The following PCDHA11 variants were observed in gnomAD, a reference collection of about 807,000 sequenced individuals.
PCDHA11 encodes protocadherin alpha-11.
In PCDHA11, 61 loss-of-function variants were observed where a neutral mutation model predicts 70.3. The observed-to-expected ratio is 0.87, with a 90% confidence interval of 0.71 to 1.07. PCDHA11 has a LOEUF of 1.07. Ranked by LOEUF, PCDHA11 falls within the 50% of genes least tolerant of loss-of-function variation. The probability of loss-of-function intolerance (pLI) is 0.00; values close to 1 mark genes in which losing one functional copy is unlikely to be tolerated. For missense variants in PCDHA11, 1,324 were observed against 1,237.5 expected, an observed-to-expected ratio of 1.07 and a Z score of -1.05; for synonymous variants, 633 against 555.1, an observed-to-expected ratio of 1.14 and a Z score of -1.97.
intron 3 of PCDHA11, among the ~76,000 whole-genome samples, chr5:141,004,120 T>C (rs1340380913): frequency 6.6e-6 from 1 of 152,178 alleles, no homozygotes; most frequent in African/African-American, 2.4e-5. Flanking sequence ...AAAGGGAGTA[T>C]CTCCATGATT....
At chr5:140,997,264 A>G (rs1554255813) in intron 3 of PCDHA11, among the ~76,000 whole-genome samples, 3 of 152,154 alleles carry the variant, frequency 2.0e-5, no homozygotes. Context: ...CACTCTTCCA[A>G]ATATTTCTTG....
intron 1 of PCDHA11, among the ~76,000 whole-genome samples, chr5:140,921,904 T>A (rs1554200513): frequency 1.3e-5 from 2 of 151,968 alleles, no homozygotes; most frequent in African/African-American, 4.8e-5. Flanking sequence ...GATAAATATA[T>A]ATTACATGAT....
chr5:140,882,307 A>G (rs2153383804), intron 1 of PCDHA11: 1 of 1,613,900 alleles, frequency 6.2e-7, no homozygotes, highest in South Asian at 1.1e-5. Context: ...GACCGCGGCA[A>G]CTACTGCTCT....
intron 1 of PCDHA11, chr5:140,967,929 G>C (rs1554230126): frequency 6.2e-7 from 1 of 1,614,214 alleles, no homozygotes; most frequent in Non-Finnish European, 8.5e-7. Flanking sequence ...GCCGTTCTCA[G>C]TGTCAATGAC....
At chr5:140,999,837 A>T (rs2097878885) in intron 3 of PCDHA11, among the ~76,000 whole-genome samples, 1 of 152,206 alleles carries the variant, frequency 6.6e-6, no homozygotes, top group Non-Finnish European at 1.5e-5. Context: ...AAATATGCCA[A>T]GTGTATTTAT....
In PCDHA11 at chr5:140,875,509, C is replaced by A. The variant is rs1554167713; in HGVS notation, c.2391+4015C>A. On this transcript the variant is annotated intron_variant, in intron 1 of 3. Coordinates refer to ENST00000398640, the MANE Select transcript of PCDHA11 (RefSeq NM_018902.5). The stretch of plus-strand genomic sequence containing the variant: ...CGGACCAAGAGGCCCGGGATCCCAG[C>A]GTCTGCTGCTCTCGCTTCTGCTCCT... 3.7e-6 allele frequency: 6 copies of A among 1,613,576 alleles called. No individual in the cohort carries two copies. The Admixed American group carries it at 6.7e-5, about 18-fold the overall frequency.
At chr5:140,975,068 C>T (rs1273763502) in intron 1 of PCDHA11, among the ~76,000 whole-genome samples, 4 of 152,134 alleles carry the variant, frequency 2.6e-5, no homozygotes, top group African/African-American at 9.7e-5. Flanking sequence ...CGAGCTCATT[C>T]AGATTGTTGG....
At chr5:140,990,862 AT>A (rs2097420167) in intron 3 of PCDHA11, among the ~76,000 whole-genome samples, 1 of 152,198 alleles carries the variant, frequency 6.6e-6, no homozygotes, top group Non-Finnish European at 1.5e-5. Flanking sequence ...AGGACATTGT[AT>A]TTTAAGTGTA....
At chr5:140,888,277 C>G (rs923275306) in intron 1 of PCDHA11, among the ~76,000 whole-genome samples, 1 of 151,972 alleles carries the variant, frequency 6.6e-6, no homozygotes, top group Non-Finnish European at 1.5e-5. Context: ...ACAGTTTTGT[C>G]CCCTCTACCC....
rs1563652468 is a variant in PCDHA11, at chr5:141,000,419, A to ATTT, written c.2540-9207_2540-9206insTTT. 1.8e-3 allele frequency among the ~76,000 whole-genome samples: 107 copies of ATTT among 60,980 alleles called. 1 individual carries two copies. The highest frequency in any genetic ancestry group is 3.1e-3 in the African/African-American group (41 of 13,160). 40.0% of individuals were successfully genotyped at this position (60,980 alleles called of 152,430 possible). ...TCTATATATATATATATATATATAT[A>ATTT]TATTTTTTTTTTTTTTTTTTTTTTT... On this transcript the variant is annotated intron_variant, in intron 3 of 3. Transcript: ENST00000398640.
At chr5:140,980,553 C>G (rs1554241953) in intron 2 of PCDHA11, among the ~76,000 whole-genome samples, 1 of 152,062 alleles carries the variant, frequency 6.6e-6, no homozygotes, top group Admixed American at 6.6e-5. Context: ...TCGCTTGAAC[C>G]CGGGAGGCGG....
chr5:140,938,207 A>G (rs782001361), intron 1 of PCDHA11, among the ~76,000 whole-genome samples: 6 of 152,112 alleles, frequency 3.9e-5, no homozygotes, highest in Non-Finnish European at 8.8e-5. Flanking sequence ...CAGCCTCCCA[A>G]AGTGCTGGGA....
At chr5:140,911,818 A>T (rs1472874528) in intron 1 of PCDHA11, among the ~76,000 whole-genome samples, 2 of 152,210 alleles carry the variant, frequency 1.3e-5, no homozygotes, top group African/African-American at 2.4e-5. Flanking sequence ...CCTTCTCCAG[A>T]AACCCCAAAA....
intron 2 of PCDHA11, 176 bp downstream of exon 2, chr5:140,979,183 G>C (rs2096838721): frequency 1.1e-6 from 1 of 925,482 alleles, no homozygotes; most frequent in Admixed American, 6.2e-5. Context: ...CAAATGGTCA[G>C]TGCCAGATGC....
In PCDHA11 at chr5:140,978,986, C is replaced by T. The variant is rs138901709; in HGVS notation, c.2429C>T (p.Ser810Phe). The change falls in exon 2 of 4, where the codon TCC (serine) becomes TTC (phenylalanine). Residue 810 changes from serine (S) to phenylalanine (F), a missense_variant. Physicochemically the swap from Ser to Phe is radical, Grantham distance 155. Transcript: ENST00000398640. ...AACCCTGACTGGCGTTACTCTGCCT[C>T]CCTGAGAGCAGGCATGCACAGGTAT... Reference protein sequence around the residue: ...QPNPDWRYSASLRAGMHSSVH... With the variant: ...QPNPDWRYSAFLRAGMHSSVH... 56 of 1,614,072 alleles carry T rather than the reference C, an allele frequency of 3.5e-5. No individual in the cohort carries two copies. The highest frequency in any genetic ancestry group is 4.5e-5 in the Non-Finnish European group (53 of 1,180,028).
chr5:140,928,296 T>C (rs2085128137), intron 1 of PCDHA11: 6 of 1,614,054 alleles, frequency 3.7e-6, no homozygotes, highest in African/African-American at 1.3e-5. Flanking sequence ...GCCGAGTGTT[T>C]GCCCAGGACC....
At chr5:140,927,201 C>T (rs1330352185) in intron 1 of PCDHA11, 7 of 1,614,032 alleles carry the variant, frequency 4.3e-6, no homozygotes, top group Non-Finnish European at 5.1e-6. Flanking sequence ...TGCTCGAGGA[C>T]CCGCTGGAGC....
At chr5:140,943,846 A>C (rs1209903373) in intron 1 of PCDHA11, among the ~76,000 whole-genome samples, 1 of 152,242 alleles carries the variant, frequency 6.6e-6, no homozygotes, top group African/African-American at 2.4e-5. Context: ...GTAAGATGTC[A>C]CAGAAGTCAA....
chr5:140,901,234 T>C (rs1013983503), intron 1 of PCDHA11, among the ~76,000 whole-genome samples: 1 of 152,156 alleles, frequency 6.6e-6, no homozygotes, highest in Non-Finnish European at 1.5e-5. Flanking sequence ...ATATATCCAT[T>C]TTTTTCCTTT....
Sources: gnomAD v4.1 joint callset for allele counts (sites outside exome capture counted in the v4.1 genomes callset) on GRCh38, gnomAD v4.1.1 for gene constraint, MANE v1.5 for transcripts, NCBI Gene and HGNC (gene_info 2026-07-23, HGNC 2026-07-21) for gene names.